The following TSNARE1 variants were observed in gnomAD, a reference collection of about 807,000 sequenced individuals.
TSNARE1 encodes t-SNARE domain-containing protein 1.
In TSNARE1, 49 loss-of-function variants were observed where a neutral mutation model predicts 62.0. That is an observed-to-expected ratio of 0.79 (90% CI 0.63 to 1.00). The LOEUF (loss-of-function observed/expected upper bound fraction) is 1.00, where lower values mean the gene tolerates loss of function less well. TSNARE1 is among the 50% of genes least tolerant of loss of function. The probability of loss-of-function intolerance (pLI) is 0.00; values close to 1 mark genes in which losing one functional copy is unlikely to be tolerated. For missense variants in TSNARE1, 755 were observed against 700.1 expected, an observed-to-expected ratio of 1.08 and a Z score of -0.88; for synonymous variants, 328 against 294.4, an observed-to-expected ratio of 1.11 and a Z score of -1.17.
chr8:142,275,810 G>C, intron 11 of TSNARE1: 6 of 985,232 alleles, frequency 6.1e-6, no homozygotes, highest in Non-Finnish European at 7.2e-6. Flanking sequence ...GCCTGGGATA[G>C]AGAGGCCATT....
chr8:142,260,134 G>T (rs1035968899), intron 12 of TSNARE1, among the ~76,000 whole-genome samples: 3 of 151,920 alleles, frequency 2.0e-5, no homozygotes, highest in Non-Finnish European at 4.4e-5. Context: ...CCTTCCTCCG[G>T]TCTCCACAGC....
chr8:142,289,065 C>T (rs1272497423), intron 10 of TSNARE1, among the ~76,000 whole-genome samples: 1 of 152,244 alleles, frequency 6.6e-6, no homozygotes, highest in Non-Finnish European at 1.5e-5. Context: ...CTTTAAGACG[C>T]CTGGCACTCA....
At chr8:142,372,782 T>TCCC (rs1364896708) in intron 1 of TSNARE1, among the ~76,000 whole-genome samples, 21 of 148,638 alleles carry the variant, frequency 1.4e-4, no homozygotes, top group African/African-American at 5.0e-4. Flanking sequence ...CCCAGCAGAC[T>TCCC]CCCCCAGGCC....
intron 9 of TSNARE1, 153 bp from the exon 10 acceptor site, chr8:142,300,797 G>A (rs1036910595): frequency 2.1e-6 from 2 of 941,830 alleles, no homozygotes; most frequent in African/African-American, 3.3e-5. Flanking sequence ...GCCTTCTGCG[G>A]CCACGAGCCT....
chr8:142,289,255 C>A (rs1180763186), intron 10 of TSNARE1, among the ~76,000 whole-genome samples: 2 of 152,224 alleles, frequency 1.3e-5, no homozygotes, highest in South Asian at 2.1e-4. Flanking sequence ...GTTAAGAAAC[C>A]CCTGAGCCTT....
chr8:142,243,820 C>A (rs1487272018), intron 12 of TSNARE1, among the ~76,000 whole-genome samples: 2 of 152,188 alleles, frequency 1.3e-5, no homozygotes, highest in African/African-American at 2.4e-5. Context: ...AATTTTTCCA[C>A]AATAATACAT....
intron 6 of TSNARE1, among the ~76,000 whole-genome samples, chr8:142,320,445 A>G (rs1829317819): frequency 7.3e-6 from 1 of 136,544 alleles, no homozygotes; most frequent in Non-Finnish European, 1.6e-5. Context: ...ACTTCCCCAC[A>G]CTGCCCTCCT....
chr8:142,362,558 C>T (rs777362811), intron 1 of TSNARE1, among the ~76,000 whole-genome samples: 1 of 152,106 alleles, frequency 6.6e-6, no homozygotes, highest in African/African-American at 2.4e-5. Flanking sequence ...GAGGGGCCTC[C>T]GGTGGAAGAG....
At chr8:142,308,191 C>T (rs1427604642) in intron 9 of TSNARE1, among the ~76,000 whole-genome samples, 2 of 152,172 alleles carry the variant, frequency 1.3e-5, no homozygotes, top group Non-Finnish European at 2.9e-5. Flanking sequence ...GTGGGCTGCA[C>T]TCTCTTCCTG....
chr8:142,357,358 A>C (rs1834826145), intron 1 of TSNARE1, among the ~76,000 whole-genome samples: 1 of 152,216 alleles, frequency 6.6e-6, no homozygotes, highest in African/African-American at 2.4e-5. Context: ...AAGCGGCTCA[A>C]GGGGGCTCTG....
At chr8:142,255,057 AT>A (rs1363914765) in intron 12 of TSNARE1, among the ~76,000 whole-genome samples, 1 of 152,050 alleles carries the variant, frequency 6.6e-6, no homozygotes, top group African/African-American at 2.4e-5. Context: ...TCCCTGTCCC[AT>A]AACAGAGAAC....
At chr8:142,285,782 T>A (rs1041521398) in intron 10 of TSNARE1, among the ~76,000 whole-genome samples, 14 of 152,168 alleles carry the variant, frequency 9.2e-5, no homozygotes, top group Admixed American at 9.2e-4. Context: ...GCCTCTTCCA[T>A]CTTCCATGCT....
chr8:142,256,329 C>CACCA (rs1351187096), intron 12 of TSNARE1, among the ~76,000 whole-genome samples: 3 of 134,212 alleles, frequency 2.2e-5, no homozygotes, highest in African/African-American at 5.6e-5. Flanking sequence ...CCATCACCAT[C>CACCA]TTTGCCACCA....
intron 3 of TSNARE1, 134 bp from the exon 4 acceptor site, chr8:142,344,606 C>A (rs1833103445): frequency 2.1e-6 from 2 of 958,786 alleles, no homozygotes; most frequent in Non-Finnish European, 1.5e-6. Flanking sequence ...GCCACCACCC[C>A]TCCCTGCTGG....
rs544036939 is a variant in TSNARE1 at position 142,271,206 on chromosome 8, T to C, written c.1446+3575A>G. On this transcript the variant is annotated intron_variant, in intron 12 of 13. Transcript: ENST00000524325. ...CCCTGGGCCACTCCACTGGCAGGAC[T>C]ACCGTCCTGGAGTGAGGGTGAGGCT... 1.0e-5 allele frequency: 10 copies of C among 996,630 alleles called. No individual in the cohort carries two copies. The East Asian group carries it at 9.4e-4, about 93-fold the overall frequency. The allele number at this position is 996,630 out of a possible 1,614,324, so 61.7% of individuals were successfully genotyped here.
chr8:142,314,328 C>T (rs1477668156), intron 9 of TSNARE1, 56 bp downstream of exon 9: 49 of 1,532,520 alleles, frequency 3.2e-5, no homozygotes, highest in Middle Eastern at 1.9e-4. Flanking sequence ...CAGATGGCAG[C>T]GGATTCTGGG....
At chr8:142,218,388 G>A (rs959268577) in intron 13 of TSNARE1, among the ~76,000 whole-genome samples, 16 of 152,298 alleles carry the variant, frequency 1.1e-4, no homozygotes, top group African/African-American at 3.1e-4. Context: ...AGACCACTTT[G>A]TGGGCTCCCT....
chr8:142,365,610 A>G (rs1258425267), intron 1 of TSNARE1, among the ~76,000 whole-genome samples: 2 of 148,518 alleles, frequency 1.3e-5, no homozygotes, highest in African/African-American at 2.6e-5. Flanking sequence ...ACGCACACAC[A>G]CACACACACA....
chr8:142,314,016 T>A (rs1318667233), intron 9 of TSNARE1, among the ~76,000 whole-genome samples: 1 of 152,152 alleles, frequency 6.6e-6, no homozygotes, highest in Non-Finnish European at 1.5e-5. Flanking sequence ...TGACCTCAGG[T>A]GATCCGCCCA....
Sources: gnomAD v4.1 joint callset for allele counts (sites outside exome capture counted in the v4.1 genomes callset) on GRCh38, gnomAD v4.1.1 for gene constraint, MANE v1.5 for transcripts, NCBI Gene and HGNC (gene_info 2026-07-23, HGNC 2026-07-21) for gene names.